The following GABRA3 variants were observed in gnomAD, a reference collection of about 807,000 sequenced individuals.
The protein encoded by GABRA3 is gamma-aminobutyric acid type A receptor subunit alpha3, also known as gamma-aminobutyric acid receptor subunit alpha-3.
In GABRA3, 10 loss-of-function variants were observed where a neutral mutation model predicts 30.1. The ratio of observed to expected loss-of-function variants is 0.33; its 90% CI spans 0.20 to 0.56. GABRA3 has a LOEUF of 0.56. GABRA3 is among the 20% of genes least tolerant of loss of function. The pLI is 0.89. For synonymous variants in GABRA3, 151 were observed against 146.8 expected (o/e 1.03, Z -0.21); for missense variants, 233 against 392.0 (o/e 0.59, Z 3.42).
intron 1 of GABRA3, among the ~76,000 whole-genome samples, chrX:152,384,825 G>T (rs975735856): frequency 8.9e-6 from 1 of 111,834 alleles, no homozygotes; most frequent in African/African-American, 3.2e-5. Context: ...ATACCGAATG[G>T]TAGACGTTTG....
intron 4 of GABRA3, among the ~76,000 whole-genome samples, chrX:152,279,759 C>A (rs911020045): frequency 1.3e-4 from 14 of 111,792 alleles, no homozygotes; most frequent in African/African-American, 4.6e-4. Flanking sequence ...AATGTTCTTA[C>A]ATTTGTTTGT....
intron 3 of GABRA3, among the ~76,000 whole-genome samples, chrX:152,307,220 C>T (rs753191185): frequency 5.4e-5 from 6 of 111,171 alleles, no homozygotes; most frequent in Non-Finnish European, 1.1e-4. Flanking sequence ...GATAATTAAA[C>T]GAAATTAAAG....
intron 5 of GABRA3, among the ~76,000 whole-genome samples, chrX:152,241,589 C>T (rs1232391993): frequency 9.1e-6 from 1 of 109,314 alleles, no homozygotes; most frequent in East Asian, 2.9e-4. Flanking sequence ...CAATGGCGGG[C>T]GCCCCTCCCC....
At chrX:152,243,558 G>A (rs1479854223) in intron 5 of GABRA3, among the ~76,000 whole-genome samples, 1 of 111,958 alleles carries the variant, frequency 8.9e-6, no homozygotes, top group Non-Finnish European at 1.9e-5. Flanking sequence ...TAGTAGCTAT[G>A]TGTAAGTTAC....
At chrX:152,371,666 T>C (rs1241494665) in intron 1 of GABRA3, among the ~76,000 whole-genome samples, 1 of 111,424 alleles carries the variant, frequency 9.0e-6, no homozygotes, top group East Asian at 2.8e-4. Context: ...GGTAACCCAT[T>C]TCAATCATTA....
intron 3 of GABRA3, among the ~76,000 whole-genome samples, chrX:152,315,093 C>T (rs191854099): frequency 5.2e-4 from 58 of 111,406 alleles, no homozygotes; most frequent in African/African-American, 1.8e-3. Flanking sequence ...CAGGAATATA[C>T]CAGGAAAGCT....
At chrX:152,339,297 G>A (rs1041220321) in intron 3 of GABRA3, among the ~76,000 whole-genome samples, 2 of 107,519 alleles carry the variant, frequency 1.9e-5, no homozygotes, top group Non-Finnish European at 3.8e-5. Context: ...GTGTGATCTC[G>A]GCTCATTGCA....
chrX:152,275,471 A>AATATAAAATATATATTTACATATT (rs1556774664), intron 4 of GABRA3, among the ~76,000 whole-genome samples: 10 of 106,465 alleles, frequency 9.4e-5, no homozygotes, highest in East Asian at 2.8e-4. Flanking sequence ...TATCAAATAA[A>AATATAAAATATATATTTACATATT]TAGAGCTGGC....
rs190973704 is a variant in GABRA3 at position 152,194,730 on chromosome X, T to C, written c.931+2903A>G. 2.7e-5 allele frequency among the ~76,000 whole-genome samples: 3 copies of C among 111,486 alleles called. No individual in the cohort carries two copies. The Admixed American group carries it at 2.9e-4, about 11-fold the overall frequency. ...ATCTTTATCATAAATCAAGTTTCCA[T>C]ATATATGGCTGTATTTTAGGCTTTC... On this transcript the variant is annotated intron_variant, in intron 8 of 9. Coordinates refer to ENST00000370314, the MANE Select transcript of GABRA3 (RefSeq NM_000808.4).
At chrX:152,378,088 C>T (rs2095691780) in intron 1 of GABRA3, among the ~76,000 whole-genome samples, 1 of 112,404 alleles carries the variant, frequency 8.9e-6, no homozygotes, top group Admixed American at 9.5e-5. Flanking sequence ...TACCTGCAAA[C>T]TCTGCCTCAG....
intron 1 of GABRA3, chrX:152,393,649 A>G (rs1432825678): frequency 4.2e-6 from 1 of 236,188 alleles, no homozygotes; most frequent in African/African-American, 3.0e-5. Flanking sequence ...GCATATGACA[A>G]TGATGCTGGA....
At chrX:152,205,994 T>C (rs1259252199) in intron 7 of GABRA3, among the ~76,000 whole-genome samples, 1 of 112,989 alleles carries the variant, frequency 8.9e-6, no homozygotes, top group African/African-American at 3.2e-5. Context: ...TATGAACGTG[T>C]ATCTTCTGTG....
chrX:152,374,929 G>T (rs1928955806), intron 1 of GABRA3, among the ~76,000 whole-genome samples: 1 of 111,159 alleles, frequency 9.0e-6, no homozygotes, highest in Non-Finnish European at 1.9e-5. Context: ...TGTCAAGTTT[G>T]TCAAAGATCA....
chrX:152,225,320 A>G (rs1937921161), intron 5 of GABRA3, among the ~76,000 whole-genome samples: 1 of 110,114 alleles, frequency 9.1e-6, no homozygotes, highest in African/African-American at 3.3e-5. Context: ...CAAAAAACAT[A>G]ATTCTGCTGC....
intron 1 of GABRA3, among the ~76,000 whole-genome samples, chrX:152,368,426 T>A (rs1159847833): frequency 9.0e-6 from 1 of 111,453 alleles, no homozygotes; most frequent in African/African-American, 3.3e-5. Flanking sequence ...TCACTTAACA[T>A]AATGTACTAT....
intron 6 of GABRA3, among the ~76,000 whole-genome samples, chrX:152,212,729 C>G (rs138296115): frequency 0.024 from 2,713 of 111,680 alleles, 43 homozygotes; most frequent in Middle Eastern, 0.069. Flanking sequence ...TTTCATGGTG[C>G]TTAAGAAAGG....
intron 9 of GABRA3, among the ~76,000 whole-genome samples, chrX:152,188,503 G>A (rs1329643971): frequency 9.1e-6 from 1 of 110,198 alleles, no homozygotes; most frequent in Non-Finnish European, 1.9e-5. Context: ...CCTGGGTGGG[G>A]GGCTAACAGA....
At chrX:152,437,447 T>A (rs1930803823) in intron 1 of GABRA3, among the ~76,000 whole-genome samples, 1 of 111,644 alleles carries the variant, frequency 9.0e-6, no homozygotes, top group Non-Finnish European at 1.9e-5. Context: ...ATTGGTAAGG[T>A]CAGTTCTTCT....
intron 3 of GABRA3, among the ~76,000 whole-genome samples, chrX:152,329,683 C>A (rs947343998): frequency 8.9e-6 from 1 of 111,743 alleles, no homozygotes; most frequent in East Asian, 2.8e-4. Flanking sequence ...TTACACCTTA[C>A]ACAAAAATTA....
Sources: gnomAD v4.1 joint callset for allele counts (sites outside exome capture counted in the v4.1 genomes callset) on GRCh38, gnomAD v4.1.1 for gene constraint, MANE v1.5 for transcripts, NCBI Gene and HGNC (gene_info 2026-07-23, HGNC 2026-07-21) for gene names.